The following INPP4B variants were observed in gnomAD, a reference collection of about 807,000 sequenced individuals.
INPP4B encodes inositol polyphosphate-4-phosphatase type II B, also known as inositol polyphosphate 4-phosphatase type II.
Under a neutral mutation model 122.5 loss-of-function variants are expected in INPP4B, and 55 were observed. The observed-to-expected ratio is 0.45, with a 90% confidence interval of 0.36 to 0.56. The LOEUF (loss-of-function observed/expected upper bound fraction) is 0.56, where lower values mean the gene tolerates loss of function less well. INPP4B is among the 20% of genes least tolerant of loss of function. The pLI, the probability that INPP4B is intolerant of heterozygous loss-of-function variation, is 0.00. For missense variants in INPP4B, 1,000 were observed against 1,097.7 expected, an observed-to-expected ratio of 0.91 and a Z score of 1.26; for synonymous variants, 403 against 388.7, an observed-to-expected ratio of 1.04 and a Z score of -0.43.
intron 2 of INPP4B, among the ~76,000 whole-genome samples, chr4:142,600,950 G>A (rs577190820): frequency 6.6e-6 from 1 of 152,014 alleles, no homozygotes; most frequent in South Asian, 2.1e-4. Flanking sequence ...AGGCAAAAAA[G>A]GGCATTATAT....
intron 14 of INPP4B, 57 bp downstream of exon 14, chr4:142,208,368 T>C: frequency 1.2e-6 from 1 of 840,096 alleles, no homozygotes; most frequent in South Asian, 2.1e-5. Flanking sequence ...TCAAGCTGTT[T>C]ACAGAAGTAC....
In INPP4B at chr4:142,281,423, ACT is replaced by A. The variant is rs145982287; in HGVS notation, c.504-10651_504-10650del. ...AAAACCAATCAAAATGCTTTTAGAC[ACT>A]CTGAAAACTTTCCATAGATAACAGG... is the stretch of plus-strand genomic sequence containing the variant. On this transcript the variant is annotated intron_variant, in intron 9 of 25. Transcript: ENST00000262992. Among the ~76,000 whole-genome samples the A allele has an allele frequency of 5.5e-3, 842 of 151,860 alleles. 7 individuals carry two copies. The highest frequency in any genetic ancestry group is 0.02 in the African/African-American group (812 of 41,444).
At chr4:142,418,073 G>C (rs1252172561) in intron 5 of INPP4B, among the ~76,000 whole-genome samples, 2 of 152,036 alleles carry the variant, frequency 1.3e-5, no homozygotes, top group African/African-American at 2.4e-5. Flanking sequence ...CAGATACGCA[G>C]TCTAATTATA....
chr4:142,577,203 T>C (rs1202103999), intron 2 of INPP4B, among the ~76,000 whole-genome samples: 1 of 151,962 alleles, frequency 6.6e-6, no homozygotes, highest in Non-Finnish European at 1.5e-5. Context: ...AACATATTGT[T>C]CACCATTTTC....
In INPP4B at chr4:142,208,443, G is replaced by A; in HGVS notation, c.1054C>T (p.His352Tyr). Reference protein sequence around the residue: ...INLHLQRMQVHSPHLKDALYD... With the variant: ...INLHLQRMQVYSPHLKDALYD... ...ATGATACCTTTCAAGTGAGGGCTGT[G>A]TACCTGCATTCTTTGCAGATGTAGA... The change falls in exon 14 of 26, where the codon CAC (histidine) becomes TAC (tyrosine). Residue 352 changes from histidine to tyrosine, a missense_variant. Physicochemically the swap from His to Tyr is moderately conservative, Grantham distance 83. Transcript: ENST00000262992. 1 of 1,576,792 alleles carries A rather than the reference G, an allele frequency of 6.3e-7. No homozygotes were observed. The highest frequency in any genetic ancestry group is 1.7e-5 in the Admixed American group (1 of 57,810).
chr4:142,081,211 T>A (rs978814719), intron 25 of INPP4B, among the ~76,000 whole-genome samples: 1 of 152,196 alleles, frequency 6.6e-6, no homozygotes, highest in Non-Finnish European at 1.5e-5. Context: ...CCTTCTCCAG[T>A]GAATCATATG....
intron 2 of INPP4B, among the ~76,000 whole-genome samples, chr4:142,565,451 T>C (rs992157647): frequency 6.6e-6 from 1 of 152,192 alleles, no homozygotes; most frequent in Non-Finnish European, 1.5e-5. Flanking sequence ...TTCATGTGTC[T>C]GTACTAACAC....
At chr4:142,556,087 C>G (rs1199141222) in intron 2 of INPP4B, among the ~76,000 whole-genome samples, 1 of 152,060 alleles carries the variant, frequency 6.6e-6, no homozygotes, top group Non-Finnish European at 1.5e-5. Context: ...GAAACTGAGG[C>G]TCAGAACTTC....
At chr4:142,622,858 T>C (rs1411813838) in intron 2 of INPP4B, among the ~76,000 whole-genome samples, 1 of 152,022 alleles carries the variant, frequency 6.6e-6, no homozygotes, top group Non-Finnish European at 1.5e-5. Flanking sequence ...GAGATGTAAT[T>C]CACATATTGT....
intron 2 of INPP4B, among the ~76,000 whole-genome samples, chr4:142,642,975 G>T (rs1476038732): frequency 6.6e-6 from 1 of 152,068 alleles, no homozygotes; most frequent in Non-Finnish European, 1.5e-5. Flanking sequence ...CCTTGAAGAG[G>T]TCCTTCACAT....
chr4:142,723,830 G>C (rs1580779447), intron 2 of INPP4B, among the ~76,000 whole-genome samples: 2 of 152,152 alleles, frequency 1.3e-5, no homozygotes, highest in South Asian at 4.1e-4. Context: ...TAATATGTTA[G>C]TGTGTATTAC....
chr4:142,789,410 C>G (rs1052280122), intron 1 of INPP4B, among the ~76,000 whole-genome samples: 1 of 152,052 alleles, frequency 6.6e-6, no homozygotes, highest in Non-Finnish European at 1.5e-5. Flanking sequence ...TTAATGTACA[C>G]AAATCAGTGC....
intron 1 of INPP4B, among the ~76,000 whole-genome samples, chr4:142,732,323 T>C (rs1054912177): frequency 2.0e-5 from 3 of 152,048 alleles, no homozygotes; most frequent in African/African-American, 7.2e-5. Flanking sequence ...TATAAGTTAA[T>C]ATTATTATTC....
intron 10 of INPP4B, among the ~76,000 whole-genome samples, chr4:142,263,560 C>T (rs1260915481): frequency 4.2e-5 from 6 of 142,336 alleles, no homozygotes; most frequent in South Asian, 2.2e-4. Context: ...AAGGAGGGAA[C>T]GAAAATAGAC....
chr4:142,450,686 T>C (rs1813956499), intron 3 of INPP4B, among the ~76,000 whole-genome samples: 1 of 152,194 alleles, frequency 6.6e-6, no homozygotes, highest in African/African-American at 2.4e-5. Context: ...ATAACAAATG[T>C]ATTCAGTAAC....
intron 2 of INPP4B, among the ~76,000 whole-genome samples, chr4:142,642,983 C>A (rs1241983297): frequency 6.6e-6 from 1 of 152,170 alleles, no homozygotes; most frequent in Non-Finnish European, 1.5e-5. Flanking sequence ...AGGTCCTTCA[C>A]ATCCCTTGTA....
chr4:142,451,834 A>C (rs999210375), intron 3 of INPP4B, among the ~76,000 whole-genome samples: 4 of 152,166 alleles, frequency 2.6e-5, no homozygotes, highest in African/African-American at 7.2e-5. Context: ...TGTAAATCAG[A>C]GATCAGTTCT....
intron 2 of INPP4B, among the ~76,000 whole-genome samples, chr4:142,680,983 C>T (rs765377994): frequency 2.6e-5 from 4 of 151,824 alleles, no homozygotes; most frequent in Non-Finnish European, 4.4e-5. Context: ...ATATTATTTC[C>T]CCTTCAATAA....
intron 1 of INPP4B, among the ~76,000 whole-genome samples, chr4:142,808,887 T>C (rs540598201): frequency 1.6e-4 from 24 of 152,300 alleles, no homozygotes; most frequent in Middle Eastern, 6.8e-3. Context: ...ACAGCTAATA[T>C]TGTTATCCTA....
Sources: allele counts gnomAD v4.1 joint callset (sites outside exome capture counted in the v4.1 genomes callset), GRCh38; gene constraint gnomAD v4.1.1; transcripts MANE v1.5; gene names NCBI Gene and HGNC (gene_info 2026-07-23, HGNC 2026-07-21).